EAF1: variants seen among roughly 807,000 people sequenced by gnomAD.
EAF1 encodes the protein ELL associated factor 1.
EAF1 carries 19 observed loss-of-function variants against 26.6 expected under a neutral mutation model. That is an observed-to-expected ratio of 0.71 (90% CI 0.50 to 1.05). The LOEUF (loss-of-function observed/expected upper bound fraction) is 1.05, where lower values mean the gene tolerates loss of function less well. Ranked by LOEUF, EAF1 falls within the 50% of genes least tolerant of loss-of-function variation. The probability of loss-of-function intolerance (pLI) is 0.00; values close to 1 mark genes in which losing one functional copy is unlikely to be tolerated. For synonymous variants in EAF1, 102 were observed against 120.6 expected (o/e 0.85, Z 1.01); for missense variants, 260 against 335.5 (o/e 0.78, Z 1.76).
chr3:15,429,857 G>T, intron 1 of EAF1, 56 bp from the exon 2 acceptor site: 2 of 1,092,440 alleles, frequency 1.8e-6, no homozygotes, highest in Non-Finnish European at 2.8e-6. Context: ...AGATGCCCAG[G>T]AAACCCTTAT....
Position 15,439,263 on chromosome 3 carries a change from T to C in EAF1, c.*108T>C, listed in dbSNP as rs2061852926. On this transcript the variant is annotated 3_prime_UTR_variant, in exon 6 of 6. Transcript: ENST00000396842. ...GGAAAATGTTATGGATCAGTGACTG[T>C]AGTAGGAGTTTGAGGCTCTGGAACT... The C allele has an allele frequency of 1.8e-6, 2 of 1,085,470 alleles. No homozygotes were observed. Among genetic ancestry groups the C allele is most frequent in the Non-Finnish European group, 2.7e-6 (2 of 738,362 alleles). The allele number at this position is 1,085,470 out of a possible 1,614,324, so 67.2% of individuals were successfully genotyped here.
chr3:15,437,318 C>CT (rs774485100), intron 5 of EAF1, among the ~76,000 whole-genome samples: 2,087 of 126,488 alleles, frequency 0.016, 43 homozygotes, highest in African/African-American at 0.054. Context: ...CGGCATGATC[C>CT]TTTTTTTTTT....
At position 15,427,656 on chromosome 3, in the gene EAF1, C is replaced by G. The variant is rs972324246; in HGVS notation, c.-124C>G. ...TTCTGGACCCGGGTGGGTGCCGGCT[C>G]GGCTCTCCTTGTCTTCCAGAGCGGT... On this transcript the variant is annotated 5_prime_UTR_variant, in exon 1 of 6. Coordinates refer to ENST00000396842, the MANE Select transcript of EAF1 (RefSeq NM_033083.7). The G allele has an allele frequency of 2.9e-6, 3 of 1,022,980 alleles. No homozygotes were observed. Among genetic ancestry groups the G allele is most frequent in the Non-Finnish European group, 4.4e-6 (3 of 685,330 alleles). 63.4% of individuals were successfully genotyped at this position (1,022,980 alleles called of 1,614,324 possible).
rs2061871645 is a variant in EAF1, at chr3:15,441,705, T to G, written c.*2550T>G. The stretch of plus-strand genomic sequence containing the variant: ...AAAAAGGGAAAAAAAAAGCAGGGAC[T>G]GTCATTCTCATCTCCTCCCTGGGGT... On this transcript the variant is annotated 3_prime_UTR_variant, in exon 6 of 6. Coordinates refer to ENST00000396842, the MANE Select transcript of EAF1 (RefSeq NM_033083.7). 6.6e-6 allele frequency: 1 copy of G among 152,334 alleles called. No individual in the cohort carries two copies. Among genetic ancestry groups the G allele is most frequent in the South Asian group, 2.1e-4 (1 of 4,816 alleles). The allele number at this position is 152,334 out of a possible 1,614,324, so 9.4% of individuals were successfully genotyped here.
chr3:15,434,651 CA>C (rs937535895), intron 4 of EAF1, 113 bp downstream of exon 4: 24 of 1,273,156 alleles, frequency 1.9e-5, no homozygotes, highest in Admixed American at 8.6e-5. Flanking sequence ...TCAATGCCAT[CA>C]AAAAAATGTC....
Position 15,433,694 on chromosome 3 carries a change from C to T in EAF1, c.336-654C>T, listed in dbSNP as rs1414230774. 3.3e-5 allele frequency among the ~76,000 whole-genome samples: 5 copies of T among 152,138 alleles called. 1 individual carries two copies. The South Asian group carries it at 8.3e-4, about 25-fold the overall frequency. On this transcript the variant is annotated intron_variant, in intron 3 of 5. Transcript: ENST00000396842. ...TAATGGAAAAAATTTTCAAGCTGGG[C>T]AATATTTTAGGAGCTACTTTATTTA...
Position 15,432,195 on chromosome 3 carries a change from A to G in EAF1, c.307A>G (p.Ser103Gly). 2 of 1,614,196 alleles carry G rather than the reference A, an allele frequency of 1.2e-6. No homozygotes were observed. The highest frequency in any genetic ancestry group is 1.7e-6 in the Non-Finnish European group (2 of 1,180,012). ...DTGEYVLEKL[S>G]SSIQVKKTRA... ...TGGTGAATATGTGCTGGAAAAACTC[A>G]GTAGCAGCATTCAGGTGAAGAAAAC... Residue 103 changes from serine (S) to glycine (G), a missense_variant, in exon 3 of 6, where the codon AGT becomes GGT. By Grantham distance (56) the Ser-to-Gly change is moderately conservative. Coordinates refer to ENST00000396842, the MANE Select transcript of EAF1 (RefSeq NM_033083.7).
intron 2 of EAF1, 142 bp downstream of exon 2, chr3:15,430,149 T>C: frequency 1.6e-6 from 1 of 612,430 alleles, no homozygotes; most frequent in Non-Finnish European, 2.8e-6. Context: ...TTTTGGGGAG[T>C]GGGGTGGGGT....
chr3:15,431,109 G>A (rs6762365), intron 2 of EAF1, among the ~76,000 whole-genome samples: 2,825 of 152,254 alleles, frequency 0.019, 82 homozygotes, highest in African/African-American at 0.062. Flanking sequence ...AGGAGTCAAA[G>A]AGCCAAGCAG....
In EAF1 at chr3:15,434,423, A is replaced by G; in HGVS notation, c.411A>G (p.Pro137=). 5.0e-6 allele frequency: 8 copies of G among 1,614,156 alleles called. No individual in the cohort carries two copies. Among genetic ancestry groups the G allele is most frequent in the African/African-American group, 1.3e-5 (1 of 75,020 alleles). Residue 137 remains proline (P), a synonymous_variant, in exon 4 of 6, where the codon CCA becomes CCG. Transcript: ENST00000396842. ...GTCCTCCACAGACGTCACAGCCACC[A>G]CCACCTCCACCACCTATGCCATTCA... ...PTRPPQTSQP[P]PPPPPMPFRA... is the part of the protein sequence containing the mutation.
At chr3:15,431,951 A>G in intron 2 of EAF1, 136 bp from the exon 3 acceptor site, 1 of 1,018,284 alleles carries the variant, frequency 9.8e-7, no homozygotes, top group Non-Finnish European at 1.4e-6. Flanking sequence ...AAGGAGATAA[A>G]ATAGAAATCA....
intron 4 of EAF1, among the ~76,000 whole-genome samples, chr3:15,435,035 G>A (rs952099645): frequency 6.6e-6 from 1 of 152,190 alleles, no homozygotes; most frequent in African/African-American, 2.4e-5. Context: ...CTATGATCGT[G>A]CCTGTTGGTA....
chr3:15,434,939 G>A (rs2061825923), intron 4 of EAF1, among the ~76,000 whole-genome samples: 1 of 152,190 alleles, frequency 6.6e-6, no homozygotes, highest in South Asian at 2.1e-4. Context: ...GGCTGGAGGA[G>A]CTGACCATGG....
rs1395073745 is a variant in EAF1 at position 15,427,948 on chromosome 3, TCCTTTCTTC to T, written c.103+70_103+78del. On this transcript the variant is annotated intron_variant, in intron 1 of 5. Transcript: ENST00000396842. ...CCGCCACATATCAACCTTGACTCCT[TCCTTTCTTC>T]CCTCGGCCCTTCAGATTCCAGGGAA... 1.9e-5 allele frequency: 24 copies of T among 1,286,928 alleles called. No homozygotes were observed. The South Asian group carries it at 2.4e-4, about 13-fold the overall frequency. 79.7% of individuals were successfully genotyped at this position (1,286,928 alleles called of 1,614,324 possible). A position where few individuals can be genotyped will look rare whatever the true frequency, so the allele number is the denominator to read the frequency against.
chr3:15,429,941 T>G lies in EAF1; in HGVS notation c.132T>G (p.Thr44=), dbSNP rs2061792612. 1 of 1,613,636 alleles carries G rather than the reference T, an allele frequency of 6.2e-7. No individual in the cohort carries two copies. Among genetic ancestry groups the G allele is most frequent in the East Asian group, 2.2e-5 (1 of 44,826 alleles). ...RYDFKPASID[T]SCEGELQVGK... is the part of the protein sequence containing the mutation. ...ATTTTAAACCAGCATCTATAGACAC[T>G]TCCTGTGAAGGAGAGCTTCAAGTTG... Residue 44 remains threonine (T), a synonymous_variant, in exon 2 of 6, where the codon ACT becomes ACG. Transcript: ENST00000396842.
At chr3:15,436,196 C>T (rs780748188) in intron 4 of EAF1, 146 bp from the exon 5 acceptor site, 11 of 537,628 alleles carry the variant, frequency 2.0e-5, no homozygotes, top group Non-Finnish European at 2.5e-5. Context: ...TTTGTTTGTA[C>T]ATTTTTTAAG....
intron 5 of EAF1, among the ~76,000 whole-genome samples, chr3:15,437,246 CTTTT>C (rs71045159): frequency 2.5e-5 from 3 of 120,458 alleles, no homozygotes; most frequent in African/African-American, 6.4e-5. Context: ...AGTGTGGTGG[CTTTT>C]TTTTTTTTTT....
chr3:15,432,271 G>C (rs530600531), intron 3 of EAF1, 48 bp downstream of exon 3: 2 of 1,602,610 alleles, frequency 1.2e-6, no homozygotes, highest in African/African-American at 2.7e-5. Flanking sequence ...CCAAACCTCT[G>C]TTATCTATTC....
rs1257163299 is a variant in EAF1 at position 15,438,817 on chromosome 3, G to T, written c.761-292G>T. The T allele has an allele frequency of 5.7e-5, 14 of 247,638 alleles. 1 individual carries two copies. The Admixed American group carries it at 7.6e-4, about 14-fold the overall frequency. 15.3% of individuals were successfully genotyped at this position (247,638 alleles called of 1,614,324 possible). On this transcript the variant is annotated intron_variant, in intron 5 of 5. Transcript: ENST00000396842. ...TGGGATTACAGGCGTGAGCCACTGCGCCCAGACATATTTTAAATATTTTCT... is the reference window on the plus strand; with the variant it reads ...TGGGATTACAGGCGTGAGCCACTGCTCCCAGACATATTTTAAATATTTTCT...
Sources: allele counts gnomAD v4.1 joint callset (sites outside exome capture counted in the v4.1 genomes callset), GRCh38; gene constraint gnomAD v4.1.1; transcripts MANE v1.5; gene names NCBI Gene and HGNC (gene_info 2026-07-23, HGNC 2026-07-21).